Variants in UMAD1 observed in about 807,000 individuals in gnomAD.
UMAD1 encodes UBAP1-MVB12-associated (UMA) domain containing 1.
A neutral mutation model predicts 6.1 loss-of-function variants in UMAD1; 8 were observed. The observed-to-expected ratio is 1.30, with a 90% CI of 0.76 to 2.35. UMAD1 has a LOEUF of 2.35. Among genes scored for constraint, UMAD1 ranks in the 30% most tolerant of loss-of-function variants. The pLI is 0.00. For synonymous variants in UMAD1, 56 were observed against 31.4 expected, an observed-to-expected ratio of 1.78 and a Z score of -2.61; for missense variants, 130 against 78.4, an observed-to-expected ratio of 1.66 and a Z score of -2.49.
At chr7:7,777,715 C>T (rs928430695) in intron 2 of UMAD1, among the ~76,000 whole-genome samples, 2 of 151,346 alleles carry the variant, frequency 1.3e-5, no homozygotes, top group African/African-American at 4.9e-5. Flanking sequence ...TATTTAGCAT[C>T]CTTTTGATTT....
intron 3 of UMAD1, among the ~76,000 whole-genome samples, chr7:7,834,214 G>C (rs1269912087): frequency 6.6e-6 from 1 of 151,300 alleles, no homozygotes; most frequent in East Asian, 1.9e-4. Flanking sequence ...TTAGAGGCGG[G>C]GTTTCACCAT....
intron 2 of UMAD1, among the ~76,000 whole-genome samples, chr7:7,796,304 T>A (rs1782679598): frequency 2.3e-5 from 3 of 131,486 alleles, no homozygotes; most frequent in Non-Finnish European, 3.1e-5. Context: ...CAGGCTGGAG[T>A]GCAATGGCAT....
chr7:7,672,185 G>C (rs1443036742), intron 1 of UMAD1, among the ~76,000 whole-genome samples: 1 of 152,158 alleles, frequency 6.6e-6, no homozygotes, highest in Non-Finnish European at 1.5e-5. Flanking sequence ...GCTGCCACCA[G>C]GATTATTCTT....
chr7:7,704,641 G>A (rs370793343), intron 2 of UMAD1, among the ~76,000 whole-genome samples: 2 of 148,948 alleles, frequency 1.3e-5, no homozygotes, highest in African/African-American at 2.5e-5. Context: ...GGTCATGCAC[G>A]TCTGTAGTCC....
intron 3 of UMAD1, among the ~76,000 whole-genome samples, chr7:7,834,749 G>C (rs1783534495): frequency 6.6e-6 from 1 of 152,022 alleles, no homozygotes; most frequent in Admixed American, 6.6e-5. Context: ...CATCACATCG[G>C]CAGTTAGGGC....
At chr7:7,654,870 C>T (rs1286677099) in intron 1 of UMAD1, among the ~76,000 whole-genome samples, 1 of 150,680 alleles carries the variant, frequency 6.6e-6, no homozygotes, top group African/African-American at 2.4e-5. Context: ...GCCCCTGTAA[C>T]CCAGCCTGAG....
intron 2 of UMAD1, among the ~76,000 whole-genome samples, chr7:7,714,066 T>C (rs536900003): frequency 6.6e-6 from 1 of 152,352 alleles, no homozygotes; most frequent in Admixed American, 6.5e-5. Flanking sequence ...TTTCCAAAAA[T>C]TGAGTTTTTT....
chr7:7,801,562 C>A, intron 2 of UMAD1, 108 bp from the exon 3 acceptor site: 6 of 612,236 alleles, frequency 9.8e-6, no homozygotes, highest in Non-Finnish European at 1.8e-5. Context: ...TGGTTTCTTC[C>A]ATGATGTGAA....
chr7:7,807,118 G>C (rs774849046), intron 3 of UMAD1, among the ~76,000 whole-genome samples: 1 of 151,970 alleles, frequency 6.6e-6, no homozygotes, highest in Non-Finnish European at 1.5e-5. Flanking sequence ...ATCTATTTGT[G>C]GAAAATTTAG....
At chr7:7,815,251 G>C (rs900104508) in intron 3 of UMAD1, among the ~76,000 whole-genome samples, 5 of 151,840 alleles carry the variant, frequency 3.3e-5, no homozygotes, top group Admixed American at 1.3e-4. Flanking sequence ...TATTGTACAG[G>C]GTTACTATAA....
At chr7:7,714,875 T>C (rs2115174735) in intron 2 of UMAD1, among the ~76,000 whole-genome samples, 1 of 149,474 alleles carries the variant, frequency 6.7e-6, no homozygotes, top group Non-Finnish European at 1.5e-5. Context: ...TTTTTTTTAG[T>C]TGATAGTAAC....
intron 2 of UMAD1, among the ~76,000 whole-genome samples, chr7:7,740,340 T>C (rs1055995220): frequency 6.6e-6 from 1 of 152,238 alleles, no homozygotes; most frequent in Non-Finnish European, 1.5e-5. Flanking sequence ...TTAAAAAAAG[T>C]TATCTGTTTT....
Position 7,854,400 on chromosome 7 carries a change from C to G in UMAD1, c.157-22881C>G, listed in dbSNP as rs142004106. On this transcript the variant is annotated intron_variant, in intron 3 of 3. Transcript: ENST00000682710. ...AAAAAGATAAGAGATTTAATTGACT[C>G]ACAGTTCCACGTAGCTGAGGAGGCC... Among the ~76,000 whole-genome samples, 303 of 148,850 alleles carry G rather than the reference C, an allele frequency of 2.0e-3. 1 individual carries two copies. Among genetic ancestry groups the G allele is most frequent in the African/African-American group, 7.2e-3 (294 of 40,564 alleles).
intron 3 of UMAD1, among the ~76,000 whole-genome samples, chr7:7,862,733 G>A (rs1474753722): frequency 2.0e-5 from 3 of 152,030 alleles, no homozygotes; most frequent in Admixed American, 6.6e-5. Flanking sequence ...TTTCTATAGC[G>A]GCACAGTCTT....
chr7:7,847,094 AAAAAAAAAAAATATATATATATATATAT>A (rs1783804076), intron 3 of UMAD1, among the ~76,000 whole-genome samples: 2 of 42,702 alleles, frequency 4.7e-5, no homozygotes, highest in African/African-American at 1.7e-4. Context: ...ATGCAAAAAA[AAAAAAAAAAAATATATATATATATATAT>A]ATATATATAT....
intron 3 of UMAD1, among the ~76,000 whole-genome samples, chr7:7,847,052 A>G (rs1192679080): frequency 3.6e-4 from 9 of 25,304 alleles, no homozygotes; most frequent in Non-Finnish European, 6.1e-4. Context: ...AACTTAGAGT[A>G]TAATAAAAAA....
chr7:7,765,399 A>G (rs1781965631), intron 2 of UMAD1, among the ~76,000 whole-genome samples: 1 of 152,216 alleles, frequency 6.6e-6, no homozygotes, highest in African/African-American at 2.4e-5. Context: ...AAAAAGTTCT[A>G]ATTCTGATTA....
chr7:7,656,035 A>G (rs946722968), intron 1 of UMAD1, among the ~76,000 whole-genome samples: 1 of 152,054 alleles, frequency 6.6e-6, no homozygotes, highest in Admixed American at 6.5e-5. Flanking sequence ...GGGTTTCTCC[A>G]TGTTGGTCAG....
chr7:7,729,526 T>C (rs1583780615), intron 2 of UMAD1, among the ~76,000 whole-genome samples: 1 of 152,204 alleles, frequency 6.6e-6, no homozygotes, highest in Non-Finnish European at 1.5e-5. Context: ...GGCTATTTCT[T>C]TGCTACCTCA....
Sources: gnomAD v4.1 joint callset for allele counts (sites outside exome capture counted in the v4.1 genomes callset) on GRCh38, gnomAD v4.1.1 for gene constraint, MANE v1.5 for transcripts, NCBI Gene and HGNC (gene_info 2026-07-23, HGNC 2026-07-21) for gene names.